Variants in SLC38A9 observed in about 807,000 individuals in gnomAD.
SLC38A9 encodes solute carrier family 38 member 9.
SLC38A9 carries 48 observed loss-of-function variants against 62.3 expected under a neutral mutation model. The observed-to-expected ratio is 0.77, with a 90% confidence interval of 0.61 to 0.98. The LOEUF (loss-of-function observed/expected upper bound fraction) is 0.98. Ranked by LOEUF, SLC38A9 falls within the 50% of genes least tolerant of loss-of-function variation. The pLI is 0.00. For missense variants in SLC38A9, 541 were observed against 679.8 expected (o/e 0.80, Z 2.27); for synonymous variants, 204 against 227.7 (o/e 0.90, Z 0.94).
intron 11 of SLC38A9, 126 bp from the exon 12 acceptor site, chr5:55,646,021 C>T (rs2150135812): frequency 3.1e-6 from 2 of 642,922 alleles, no homozygotes; most frequent in East Asian, 5.6e-5. Context: ...ATTAAAATGT[C>T]TTTACAAAGT....
At chr5:55,646,409 A>G (rs1451234030) in intron 11 of SLC38A9, among the ~76,000 whole-genome samples, 1 of 152,154 alleles carries the variant, frequency 6.6e-6, no homozygotes, top group East Asian at 1.9e-4. Flanking sequence ...CTTTATATCA[A>G]TTATTCCTAT....
chr5:55,635,463 A>G (rs1322737873), intron 13 of SLC38A9, 81 bp downstream of exon 13: 1 of 1,003,282 alleles, frequency 1.0e-6, no homozygotes, highest in Non-Finnish European at 1.6e-6. Flanking sequence ...CTGATGTTAT[A>G]TCTTGCCACT....
rs539221315 is a variant in SLC38A9 at position 55,670,059 on chromosome 5, G to C, written c.247-180C>G. ...GGCTCACTGCAAGCGCCGCCTCCTG[G>C]GTTCACGCCATTCTCCTGCCTCAGC... On this transcript the variant is annotated intron_variant, in intron 4 of 15. Coordinates refer to ENST00000396865, the MANE Select transcript of SLC38A9 (RefSeq NM_173514.4). 4.9e-4 allele frequency among the ~76,000 whole-genome samples: 75 copies of C among 152,204 alleles called. No homozygotes were observed. In the Middle Eastern group the frequency reaches 0.014, roughly 28 times the overall value.
Position 55,633,749 on chromosome 5 carries a change from C to T in SLC38A9, c.1430+5G>A. 1 of 1,614,090 alleles carries T rather than the reference C, an allele frequency of 6.2e-7. No individual in the cohort carries two copies. Reference sequence around the variant, plus strand: ...CATCCTGCTGGTCAAGAGAAGAGCCCTTACCTAGGATAAATGTCACCGAAG... The same window carrying T: ...CATCCTGCTGGTCAAGAGAAGAGCCTTTACCTAGGATAAATGTCACCGAAG... On this transcript the variant is annotated splice_donor_5th_base_variant and intron_variant, in intron 14 of 15. Transcript: ENST00000396865.
At chr5:55,711,305 G>GAAAGA (rs1561460632) in intron 2 of SLC38A9, 147 bp downstream of exon 2, 1 of 141,636 alleles carries the variant, frequency 7.1e-6, no homozygotes. Flanking sequence ...AAAAAAAAAA[G>GAAAGA]AAAGAAAAGA....
chr5:55,654,536 A>G (rs1748065158), intron 9 of SLC38A9, among the ~76,000 whole-genome samples: 2 of 151,872 alleles, frequency 1.3e-5, no homozygotes, highest in East Asian at 3.9e-4. Context: ...ACCCAGAAGT[A>G]CCAGGTTGCA....
intron 3 of SLC38A9, among the ~76,000 whole-genome samples, chr5:55,681,298 T>A (rs1752965503): frequency 6.6e-6 from 1 of 152,220 alleles, no homozygotes; most frequent in African/African-American, 2.4e-5. Context: ...AAAACACTCT[T>A]AAATTATGTA....
At chr5:55,697,549 C>T (rs889580869) in intron 3 of SLC38A9, among the ~76,000 whole-genome samples, 7 of 151,234 alleles carry the variant, frequency 4.6e-5, no homozygotes, top group South Asian at 2.1e-4. Context: ...TATTACCTTG[C>T]GCAAAGTGGG....
In SLC38A9 at chr5:55,672,543, A is replaced by G; in HGVS notation, c.246+20T>C. On this transcript the variant is annotated intron_variant, in intron 4 of 15. Coordinates refer to ENST00000396865, the MANE Select transcript of SLC38A9 (RefSeq NM_173514.4). ...CATTTCAACTGAATTTTAGACTATTAGTAATGTTTTGTCTCTTACCAGTGC... is the reference window on the plus strand; with the variant it reads ...CATTTCAACTGAATTTTAGACTATTGGTAATGTTTTGTCTCTTACCAGTGC... 1.9e-6 allele frequency: 3 copies of G among 1,611,522 alleles called. No individual in the cohort carries two copies. Among genetic ancestry groups the G allele is most frequent in the East Asian group, 2.2e-5 (1 of 44,868 alleles).
chr5:55,687,284 G>A (rs908981789), intron 3 of SLC38A9, among the ~76,000 whole-genome samples: 20 of 150,776 alleles, frequency 1.3e-4, no homozygotes, highest in African/African-American at 2.4e-4. Context: ...AAAATTAGCC[G>A]GGCGCAGTGG....
intron 10 of SLC38A9, among the ~76,000 whole-genome samples, chr5:55,652,328 C>CT (rs1747641633): frequency 8.0e-6 from 1 of 124,780 alleles, no homozygotes; most frequent in African/African-American, 2.9e-5. Context: ...TTGCACTCCA[C>CT]CCTGGGCAAC....
Position 55,710,923 on chromosome 5 carries a change from G to A in SLC38A9, c.-35+529C>T, listed in dbSNP as rs184698523. Among the ~76,000 whole-genome samples the A allele has an allele frequency of 1.9e-3, 293 of 151,254 alleles. 2 individuals carry two copies. Among genetic ancestry groups the A allele is most frequent in the African/African-American group, 6.8e-3 (281 of 41,308 alleles). On this transcript the variant is annotated intron_variant, in intron 2 of 15. Transcript: ENST00000396865. ...GTGAGCCACGGCACCTGGCCAAAAC[G>A]TTTTTAAAAAATCTTTCTCCTCAGC...
At chr5:55,632,055 T>C (rs765275374) in intron 14 of SLC38A9, among the ~76,000 whole-genome samples, 6 of 152,188 alleles carry the variant, frequency 3.9e-5, no homozygotes, top group African/African-American at 7.2e-5. Context: ...TTAACAATTA[T>C]AGCAGTAATT....
At chr5:55,691,049 T>C in intron 3 of SLC38A9, 1 of 634,336 alleles carries the variant, frequency 1.6e-6, no homozygotes. Context: ...GAGGACATTA[T>C]AAAAAAGAGT....
At chr5:55,644,391 CT>C (rs951285236) in intron 12 of SLC38A9, among the ~76,000 whole-genome samples, 3 of 151,802 alleles carry the variant, frequency 2.0e-5, no homozygotes, top group African/African-American at 7.3e-5. Context: ...TCTTTGGTCC[CT>C]TTTCCATGGC....
At chr5:55,676,723 G>A (rs188010397) in intron 3 of SLC38A9, among the ~76,000 whole-genome samples, 263 of 152,140 alleles carry the variant, frequency 1.7e-3, no homozygotes, top group African/African-American at 6.0e-3. Flanking sequence ...ACGACACATA[G>A]GTGTCAATAG....
intron 3 of SLC38A9, among the ~76,000 whole-genome samples, chr5:55,688,315 A>G (rs1234841339): frequency 6.6e-6 from 1 of 150,568 alleles, no homozygotes; most frequent in Admixed American, 6.6e-5. Flanking sequence ...GTAGTGAGGG[A>G]GGGCATCCTT....
At chr5:55,651,972 ACAC>A (rs769106898) in intron 10 of SLC38A9, among the ~76,000 whole-genome samples, 1 of 90,228 alleles carries the variant, frequency 1.1e-5, no homozygotes, top group African/African-American at 3.3e-5. Context: ...AAAAAAAAAA[ACAC>A]ACACACACAA....
In SLC38A9 at chr5:55,664,808, G is replaced by A; in HGVS notation, c.582C>T (p.Gly194=). 3 of 1,590,506 alleles carry A rather than the reference G, an allele frequency of 1.9e-6. No homozygotes were observed. The highest frequency in any genetic ancestry group is 2.6e-6 in the Non-Finnish European group (3 of 1,169,628). ...EYPDVCRHYF[G]SFGQWSSLLF... is the part of the protein sequence containing the mutation. ...GGAGACTCGACCACTGCCCAAAGGA[G>A]CCGAAATAATGTCTGCAGACATCTG... Residue 194 remains glycine (G), a synonymous_variant, in exon 8 of 16, where the codon GGC becomes GGT. Transcript: ENST00000396865.
Sources: allele counts gnomAD v4.1 joint callset (sites outside exome capture counted in the v4.1 genomes callset), GRCh38; gene constraint gnomAD v4.1.1; transcripts MANE v1.5; gene names NCBI Gene and HGNC (gene_info 2026-07-23, HGNC 2026-07-21).